Variants in ICA1 observed in about 807,000 individuals in gnomAD.
ICA1 encodes the protein 69 kDa islet cell autoantigen.
In ICA1, 40 loss-of-function variants were observed where a neutral mutation model predicts 71.0. The ratio of observed to expected loss-of-function variants is 0.56; its 90% CI spans 0.44 to 0.73. The LOEUF is 0.73. Among genes scored for constraint, ICA1 ranks in the 30% least tolerant of loss-of-function variants. The pLI is 0.00. For missense variants in ICA1, 578 were observed against 576.5 expected (o/e 1.00, Z -0.03); for synonymous variants, 207 against 209.5 (o/e 0.99, Z 0.10).
chr7:8,131,736 A>G (rs904882804), intron 12 of ICA1, among the ~76,000 whole-genome samples: 5 of 152,252 alleles, frequency 3.3e-5, no homozygotes, highest in Non-Finnish European at 5.9e-5. Context: ...GGACGGGTTC[A>G]GGTCTGTAAC....
chr7:8,190,990 A>AAC (rs1482609488), intron 6 of ICA1, among the ~76,000 whole-genome samples: 5 of 152,238 alleles, frequency 3.3e-5, no homozygotes, highest in African/African-American at 1.2e-4. Flanking sequence ...CTCCAGTATG[A>AAC]TAATGAACAA....
chr7:8,129,604 C>A (rs2128077019), intron 12 of ICA1, among the ~76,000 whole-genome samples: 1 of 152,244 alleles, frequency 6.6e-6, no homozygotes. Flanking sequence ...TTTGTGTTAT[C>A]ACAGAAATTC....
rs774578683 is a variant in ICA1, at chr7:8,127,942, T to A, written c.1261A>T (p.Thr421Ser). Residue 421 changes from threonine to serine, a missense_variant, in exon 13 of 14, where the codon ACA (threonine) becomes TCA (serine). By Grantham distance (58) the Thr-to-Ser change is moderately conservative. Transcript: ENST00000402384. Reference protein sequence around the residue: ...ALGEPDPKAQTGSGFLPSQLL... With the variant: ...ALGEPDPKAQSGSGFLPSQLL... ...TGCGAAGGAAGGAAACCTGAGCCTGTCTGGGCCTTGGGGTCTGGCTCTCCC... is the reference window on the plus strand; with the variant it reads ...TGCGAAGGAAGGAAACCTGAGCCTGACTGGGCCTTGGGGTCTGGCTCTCCC... 6.2e-7 allele frequency: 1 copy of A among 1,614,210 alleles called. No homozygotes were observed. The highest frequency in any genetic ancestry group is 1.1e-5 in the South Asian group (1 of 91,084).
chr7:8,243,959 G>T (rs1804942086), intron 1 of ICA1, among the ~76,000 whole-genome samples: 1 of 152,258 alleles, frequency 6.6e-6, no homozygotes, highest in East Asian at 1.9e-4. Flanking sequence ...TCATGGATAG[G>T]AAGAATCAAT....
At chr7:8,182,597 G>C (rs1262039977) in intron 6 of ICA1, among the ~76,000 whole-genome samples, 1 of 152,018 alleles carries the variant, frequency 6.6e-6, no homozygotes, top group African/African-American at 2.4e-5. Flanking sequence ...TATCTTATGG[G>C]TGATATATTT....
intron 6 of ICA1, among the ~76,000 whole-genome samples, chr7:8,183,268 A>C (rs1349523591): frequency 6.6e-6 from 1 of 152,202 alleles, no homozygotes; most frequent in African/African-American, 2.4e-5. Context: ...TGAAGGTTCT[A>C]TCTTAACAGT....
At chr7:8,247,487 C>T (rs939536608) in intron 1 of ICA1, among the ~76,000 whole-genome samples, 2 of 151,452 alleles carry the variant, frequency 1.3e-5, no homozygotes, top group African/African-American at 4.8e-5. Context: ...AGAAAAAAAA[C>T]AAAACAAGCC....
At chr7:8,246,881 G>C (rs1806223714) in intron 1 of ICA1, among the ~76,000 whole-genome samples, 1 of 152,160 alleles carries the variant, frequency 6.6e-6, no homozygotes, top group South Asian at 2.1e-4. Context: ...CGAGTAGCTG[G>C]AACTACAGGC....
At chr7:8,116,378 A>C (rs1784805157) in intron 13 of ICA1, 1 of 152,200 alleles carries the variant, frequency 6.6e-6, no homozygotes, top group African/African-American at 2.4e-5. Flanking sequence ...ACATGGACCC[A>C]CCAGTTGATG....
chr7:8,261,368 T>C (rs1812305634), intron 1 of ICA1, among the ~76,000 whole-genome samples: 1 of 152,076 alleles, frequency 6.6e-6, no homozygotes, highest in African/African-American at 2.4e-5. Flanking sequence ...CAGGATATGT[T>C]CGTTTCTAGA....
intron 13 of ICA1, among the ~76,000 whole-genome samples, chr7:8,116,840 C>T (rs1466781034): frequency 6.6e-6 from 1 of 152,166 alleles, no homozygotes; most frequent in Non-Finnish European, 1.5e-5. Flanking sequence ...AAATAACAGT[C>T]CAGTCCAAAT....
At chr7:8,208,742 T>C (rs1792538868) in intron 6 of ICA1, among the ~76,000 whole-genome samples, 1 of 152,202 alleles carries the variant, frequency 6.6e-6, no homozygotes, top group Non-Finnish European at 1.5e-5. Flanking sequence ...TGATACCTTC[T>C]TCAGGAGCTA....
chr7:8,154,482 CA>C (rs1299650356), intron 8 of ICA1, among the ~76,000 whole-genome samples: 1 of 152,152 alleles, frequency 6.6e-6, no homozygotes, highest in Non-Finnish European at 1.5e-5. Flanking sequence ...CACCCTGAAG[CA>C]AAGAAAACAA....
rs1031677433 is a variant in ICA1, at chr7:8,130,209, T to C, written c.1061-2067A>G. Among the ~76,000 whole-genome samples the C allele has an allele frequency of 2.6e-5, 4 of 152,344 alleles. No homozygotes were observed. The highest frequency in any genetic ancestry group is 4.4e-5 in the Non-Finnish European group (3 of 68,032). On this transcript the variant is annotated intron_variant, in intron 12 of 13. Coordinates refer to ENST00000402384, the MANE Select transcript of ICA1 (RefSeq NM_001136020.3). This position sits in a 1 kb window ranked among gnomAD's most constrained non-coding sequence, Gnocchi z 4.2. Reference sequence around the variant, plus strand: ...CATGATTTATAATCCTTTGGGTCTATACCCAGTAATGGGATGGCTGGGTCG... The same window carrying C: ...CATGATTTATAATCCTTTGGGTCTACACCCAGTAATGGGATGGCTGGGTCG...
intron 1 of ICA1, among the ~76,000 whole-genome samples, chr7:8,244,682 A>G (rs964354836): frequency 6.6e-6 from 1 of 152,262 alleles, no homozygotes; most frequent in African/African-American, 2.4e-5. Context: ...TAATATCCAG[A>G]ATCGACAAAG....
intron 8 of ICA1, among the ~76,000 whole-genome samples, chr7:8,152,491 C>T (rs545364530): frequency 1.9e-4 from 29 of 151,624 alleles, no homozygotes; most frequent in African/African-American, 6.8e-4. Flanking sequence ...CAACCATTAC[C>T]GTCACCCTTA....
At chr7:8,227,934 C>G (rs1409037993) in intron 4 of ICA1, 1 of 400,006 alleles carries the variant, frequency 2.5e-6, no homozygotes, top group Non-Finnish European at 5.2e-6. Context: ...GAAAAATGAC[C>G]AATTATTAAT....
chr7:8,237,203 A>G (rs1373978669), intron 1 of ICA1, among the ~76,000 whole-genome samples: 1 of 152,162 alleles, frequency 6.6e-6, no homozygotes, highest in Non-Finnish European at 1.5e-5. Context: ...TGGGAATGAC[A>G]TTCAGGGTAA....
chr7:8,167,660 A>T (rs1262160151), intron 6 of ICA1, among the ~76,000 whole-genome samples: 1 of 152,202 alleles, frequency 6.6e-6, no homozygotes, highest in Non-Finnish European at 1.5e-5. Flanking sequence ...TTAAACAAAC[A>T]AAACAATTTT....
Sources: gnomAD v4.1 joint callset for allele counts (sites outside exome capture counted in the v4.1 genomes callset) on GRCh38, gnomAD v4.1.1 for gene constraint, Gnocchi (gnomAD v3.1) non-coding constraint, MANE v1.5 for transcripts, NCBI Gene and HGNC (gene_info 2026-07-23, HGNC 2026-07-21) for gene names.